The following AP3S1 variants were observed in gnomAD, a reference collection of about 807,000 sequenced individuals.
AP3S1 encodes adaptor related protein complex 3 subunit sigma 1, also known as AP-3 complex subunit sigma-1.
A neutral mutation model predicts 21.3 loss-of-function variants in AP3S1; 12 were observed. The observed-to-expected ratio is 0.56, with a 90% CI of 0.36 to 0.91. The LOEUF (loss-of-function observed/expected upper bound fraction) is 0.91. Among genes scored for constraint, AP3S1 ranks in the 40% least tolerant of loss-of-function variants. AP3S1 has a pLI of 0.01. For synonymous variants in AP3S1, 48 were observed against 78.4 expected (o/e 0.61, Z 2.05); for missense variants, 116 against 225.0 (o/e 0.52, Z 3.10).
chr5:115,841,943 G>GGTGGGGAAGGATCGC lies in AP3S1; in HGVS notation c.-94_-80dup. 6.6e-7 allele frequency: 1 copy of GGTGGGGAAGGATCGC among 1,518,224 alleles called. No homozygotes were observed. The highest frequency in any genetic ancestry group is 2.2e-5 in the Admixed American group (1 of 46,348). 94.0% of individuals were successfully genotyped at this position (1,518,224 alleles called of 1,614,324 possible). A position where few individuals can be genotyped will look rare whatever the true frequency, so the allele number is the denominator to read the frequency against. ...GCGCGGTCGCGTGCGGGAGGGGGCG[G>GGTGGGGAAGGATCGC]GTGGGGAAGGATCGCAGGCGAGATT... On this transcript the variant is annotated 5_prime_UTR_variant, in exon 1 of 6. Transcript: ENST00000316788.
intron 3 of AP3S1, among the ~76,000 whole-genome samples, chr5:115,892,395 T>C (rs1316453678): frequency 6.6e-6 from 1 of 152,198 alleles, no homozygotes; most frequent in African/African-American, 2.4e-5. Flanking sequence ...ATCCAAGATT[T>C]GGAAGCAACC....
intron 2 of AP3S1, among the ~76,000 whole-genome samples, chr5:115,869,643 G>A (rs190603236): frequency 2.2e-4 from 33 of 152,284 alleles, no homozygotes; most frequent in Non-Finnish European, 4.0e-4. Flanking sequence ...TCAGCCTGAA[G>A]TAGGGAACCC....
intron 5 of AP3S1, among the ~76,000 whole-genome samples, chr5:115,905,732 C>CT (rs1377796698): frequency 6.6e-6 from 1 of 152,152 alleles, no homozygotes; most frequent in African/African-American, 2.4e-5. Flanking sequence ...GTCCATGTTA[C>CT]TTCAATTGGT....
At chr5:115,857,767 A>G (rs1762901733) in intron 1 of AP3S1, among the ~76,000 whole-genome samples, 1 of 152,186 alleles carries the variant, frequency 6.6e-6, no homozygotes, top group Non-Finnish European at 1.5e-5. Context: ...CCTCTCCTCC[A>G]CAACTAATTC....
intron 3 of AP3S1, among the ~76,000 whole-genome samples, chr5:115,878,920 G>T (rs998752800): frequency 2.6e-5 from 4 of 152,070 alleles, no homozygotes; most frequent in Non-Finnish European, 5.9e-5. Flanking sequence ...CACATCCCTT[G>T]TAAGTTGTAT....
At chr5:115,898,353 TTC>T (rs1445620861) in intron 4 of AP3S1, among the ~76,000 whole-genome samples, 1 of 152,186 alleles carries the variant, frequency 6.6e-6, no homozygotes, top group South Asian at 2.1e-4. Flanking sequence ...TGTTACTAGT[TTC>T]TTTTTATAAA....
intron 1 of AP3S1, among the ~76,000 whole-genome samples, chr5:115,854,205 T>TC (rs1360067024): frequency 6.6e-6 from 1 of 152,194 alleles, no homozygotes; most frequent in East Asian, 1.9e-4. Flanking sequence ...TTAAAGGTCT[T>TC]ACGTTTTAAC....
At chr5:115,876,690 A>T (rs997447307) in intron 3 of AP3S1, among the ~76,000 whole-genome samples, 1 of 152,158 alleles carries the variant, frequency 6.6e-6, no homozygotes, top group African/African-American at 2.4e-5. Context: ...TTACTGTGTA[A>T]CAATTCTTTA....
intron 1 of AP3S1, among the ~76,000 whole-genome samples, chr5:115,854,382 GAGAATTCT>G (rs1762650644): frequency 6.6e-6 from 1 of 152,130 alleles, no homozygotes. Context: ...GAAAATAGGA[GAGAATTCT>G]TCTCTAAAGA....
chr5:115,875,653 G>T lies in AP3S1; in HGVS notation c.273+5525G>T, dbSNP rs577508678. On this transcript the variant is annotated intron_variant, in intron 3 of 5. Transcript: ENST00000316788. ...CAGTTCCTCCTGCTGGAGCAAGAGGGATTCCTGGCCTAGCGAGCTTATTTT... is the reference window on the plus strand; with the variant it reads ...CAGTTCCTCCTGCTGGAGCAAGAGGTATTCCTGGCCTAGCGAGCTTATTTT... 5.3e-5 allele frequency among the ~76,000 whole-genome samples: 8 copies of T among 152,290 alleles called. No homozygotes were observed. The South Asian group carries it at 1.5e-3, about 28-fold the overall frequency.
intron 1 of AP3S1, among the ~76,000 whole-genome samples, chr5:115,851,087 A>G (rs1367628827): frequency 6.6e-6 from 1 of 152,214 alleles, no homozygotes; most frequent in Non-Finnish European, 1.5e-5. Flanking sequence ...CAATAGATAA[A>G]TATTTCTCAT....
intron 1 of AP3S1, chr5:115,842,427 G>A (rs1035877): frequency 6.8e-5 from 17 of 248,552 alleles, no homozygotes; most frequent in Admixed American, 1.2e-4. Flanking sequence ...CCGCAGCCCA[G>A]CCGCGCCGCG....
chr5:115,844,537 G>C (rs1761916116), intron 1 of AP3S1, among the ~76,000 whole-genome samples: 1 of 152,198 alleles, frequency 6.6e-6, no homozygotes, highest in Non-Finnish European at 1.5e-5. Context: ...AGCAGCAAAT[G>C]CAAAAACCCT....
intron 3 of AP3S1, among the ~76,000 whole-genome samples, chr5:115,877,014 G>A (rs1259552194): frequency 2.0e-5 from 3 of 152,076 alleles, no homozygotes; most frequent in African/African-American, 7.2e-5. Flanking sequence ...TTGAGACTAT[G>A]TAAATATACT....
rs540433305 is a variant in AP3S1, at chr5:115,902,950, T to C, written c.411T>C (p.Ile137=). The C allele has an allele frequency of 2.5e-6, 4 of 1,613,874 alleles. No homozygotes were observed. Among genetic ancestry groups the C allele is most frequent in the South Asian group, 2.2e-5 (2 of 91,074 alleles). ...TATTGGAGACAAATATGAATGAGAT[T>C]GTTACACAAATTGATGCACAAAATA... ...GMVLETNMNE[I]VTQIDAQNKL... Residue 137 remains isoleucine, a synonymous_variant, in exon 5 of 6, where the codon ATT becomes ATC. Transcript: ENST00000316788.
At chr5:115,894,440 A>G (rs1267765039) in intron 3 of AP3S1, among the ~76,000 whole-genome samples, 4 of 152,180 alleles carry the variant, frequency 2.6e-5, no homozygotes, top group Non-Finnish European at 5.9e-5. Context: ...AAACACTCTA[A>G]TCAGACAACT....
chr5:115,874,221 A>G lies in AP3S1; in HGVS notation c.273+4093A>G, dbSNP rs182405301. 4.5e-3 allele frequency among the ~76,000 whole-genome samples: 683 copies of G among 152,170 alleles called. 7 individuals carry two copies. Among genetic ancestry groups the G allele is most frequent in the African/African-American group, 0.016 (661 of 41,540 alleles). ...GGGGTGGACTTTTTTTTATTGATAT[A>G]TACCATTTTAGTGTGATATTAACTG... On this transcript the variant is annotated intron_variant, in intron 3 of 5. Coordinates refer to ENST00000316788, the MANE Select transcript of AP3S1 (RefSeq NM_001284.4).
intron 1 of AP3S1, among the ~76,000 whole-genome samples, chr5:115,843,186 T>C (rs1207059179): frequency 6.6e-6 from 1 of 152,262 alleles, no homozygotes; most frequent in Non-Finnish European, 1.5e-5. Flanking sequence ...TGTGGTATTG[T>C]GGCACTTTGC....
intron 3 of AP3S1, among the ~76,000 whole-genome samples, chr5:115,888,765 T>C (rs1580709460): frequency 6.6e-6 from 1 of 152,160 alleles, no homozygotes; most frequent in African/African-American, 2.4e-5. Flanking sequence ...AGCAGAATTA[T>C]AATTTTCTAT....
Sources: allele counts gnomAD v4.1 joint callset (sites outside exome capture counted in the v4.1 genomes callset), GRCh38; gene constraint gnomAD v4.1.1; transcripts MANE v1.5; gene names NCBI Gene and HGNC (gene_info 2026-07-23, HGNC 2026-07-21).